Variants in FOXO1 observed in about 807,000 individuals in gnomAD.
The protein encoded by FOXO1 is forkhead box protein O1.
A neutral mutation model predicts 44.1 loss-of-function variants in FOXO1; 6 were observed. The observed-to-expected ratio is 0.14, with a 90% CI of 0.07 to 0.27. FOXO1 has a LOEUF of 0.27. FOXO1 is among the 10% of genes least tolerant of loss of function. The probability of loss-of-function intolerance (pLI) is 1.00; values close to 1 mark genes in which losing one functional copy is unlikely to be tolerated. For synonymous variants in FOXO1, 380 were observed against 362.7 expected (o/e 1.05, Z -0.54); for missense variants, 737 against 888.8 (o/e 0.83, Z 2.17).
intron 1 of FOXO1, 148 bp from the exon 2 acceptor site, chr13:40,561,008 C>G: frequency 2.8e-6 from 2 of 705,168 alleles, no homozygotes; most frequent in Admixed American, 6.2e-5. Context: ...GCTCTGAAGC[C>G]ACTACAAAAG....
chr13:40,632,446 T>C (rs1338404798), intron 1 of FOXO1, among the ~76,000 whole-genome samples: 1 of 152,090 alleles, frequency 6.6e-6, no homozygotes, highest in Non-Finnish European at 1.5e-5. Flanking sequence ...GAGACCAGCC[T>C]GGACAACATG....
In FOXO1 at chr13:40,586,537, T is replaced by G. The variant is rs575593222; in HGVS notation, c.631-25677A>C. ...TGCACAGAAGATATGACTCTTGCAG[T>G]CTGGAATAAAAGGCACCAAATGGGA... On this transcript the variant is annotated intron_variant, in intron 1 of 2. Coordinates refer to ENST00000379561, the MANE Select transcript of FOXO1 (RefSeq NM_002015.4). Among the ~76,000 whole-genome samples, 8 of 152,270 alleles carry G rather than the reference T, an allele frequency of 5.3e-5. No homozygotes were observed. In the South Asian group the frequency reaches 1.7e-3, roughly 32 times the overall value.
rs142273240 is a variant in FOXO1 at position 40,584,002 on chromosome 13, T to C, written c.631-23142A>G. 1.8e-3 allele frequency among the ~76,000 whole-genome samples: 280 copies of C among 152,258 alleles called. 2 individuals are homozygous for C. The highest frequency in any genetic ancestry group is 6.2e-3 in the African/African-American group (256 of 41,542). ...TGACTCTTCCTTTTATTTGAACATG[T>C]AGAAGCCATTGTGGGGGTTTTAATG... On this transcript the variant is annotated intron_variant, in intron 1 of 2. Coordinates refer to ENST00000379561, the MANE Select transcript of FOXO1 (RefSeq NM_002015.4).
At chr13:40,644,571 T>A (rs1381713669) in intron 1 of FOXO1, among the ~76,000 whole-genome samples, 3 of 152,198 alleles carry the variant, frequency 2.0e-5, no homozygotes, top group Non-Finnish European at 4.4e-5. Context: ...AGGTCACACA[T>A]ACAATGATGG....
chr13:40,560,067 T>C lies in FOXO1; in HGVS notation c.1424A>G (p.Asp475Gly). 1 of 1,614,058 alleles carries C rather than the reference T, an allele frequency of 6.2e-7. No homozygotes were observed. Among genetic ancestry groups the C allele is most frequent in the South Asian group, 1.1e-5 (1 of 91,082 alleles). Residue 475 changes from aspartate to glycine, a missense_variant, in exon 2 of 3, where the codon GAC becomes GGC. Around this residue, in one of 7 missense-constraint regions of FOXO1, gnomAD observed 283 missense variants for 278.1 expected, o/e 1.02. Coordinates refer to ENST00000379561, the MANE Select transcript of FOXO1 (RefSeq NM_002015.4). This position sits in a 1 kb window ranked among gnomAD's most constrained non-coding sequence, Gnocchi z 5.1. ...CCCAGGATCAACTGGTGTCATAATG[T>C]CATTATGGGGAGGAGAGTCAGAAGT... ...LLTSDSPPHNDIMTPVDPGVA... is the reference protein window; with the variant it reads ...LLTSDSPPHNGIMTPVDPGVA...
intron 1 of FOXO1, 133 bp downstream of exon 1, chr13:40,665,450 C>T (rs1878198299): frequency 3.9e-6 from 3 of 771,086 alleles, no homozygotes; most frequent in Admixed American, 8.7e-5. Flanking sequence ...CCGCGACCAC[C>T]GCTTCTCGCC....
intron 1 of FOXO1, among the ~76,000 whole-genome samples, chr13:40,561,127 C>T (rs998449123): frequency 2.0e-5 from 3 of 152,078 alleles, no homozygotes; most frequent in Admixed American, 6.5e-5. Flanking sequence ...CCCAGGCAAG[C>T]GGATCATGAG....
chr13:40,600,231 C>T (rs111526707), intron 1 of FOXO1, among the ~76,000 whole-genome samples: 1,721 of 152,226 alleles, frequency 0.011, 37 homozygotes, highest in African/African-American at 0.04. Context: ...CAAATTAGAC[C>T]AAAGCTCAGG....
intron 1 of FOXO1, among the ~76,000 whole-genome samples, chr13:40,612,704 G>C (rs1593399865): frequency 1.3e-5 from 2 of 152,170 alleles, no homozygotes; most frequent in Admixed American, 1.3e-4. Context: ...TATTTTGAGA[G>C]AGAGAGAAAC....
At chr13:40,646,306 T>G (rs986191109) in intron 1 of FOXO1, among the ~76,000 whole-genome samples, 14 of 151,368 alleles carry the variant, frequency 9.2e-5, no homozygotes, top group Non-Finnish European at 2.1e-4. Flanking sequence ...TTTTTTTTTT[T>G]TTTGAGATGG....
At chr13:40,625,593 T>C (rs1876760942) in intron 1 of FOXO1, among the ~76,000 whole-genome samples, 1 of 152,124 alleles carries the variant, frequency 6.6e-6, no homozygotes, top group African/African-American at 2.4e-5. Flanking sequence ...AAAGAGAGTC[T>C]AGGCTGCTCT....
chr13:40,582,965 T>C (rs999977494), intron 1 of FOXO1, among the ~76,000 whole-genome samples: 1 of 152,210 alleles, frequency 6.6e-6, no homozygotes, highest in Non-Finnish European at 1.5e-5. Flanking sequence ...GGAATCACTA[T>C]GGCAACTTGG....
At chr13:40,589,182 A>G (rs1593390405) in intron 1 of FOXO1, among the ~76,000 whole-genome samples, 1 of 152,240 alleles carries the variant, frequency 6.6e-6, no homozygotes, top group East Asian at 1.9e-4. Flanking sequence ...CAGACCATCA[A>G]GAAATGGCTG....
At chr13:40,603,353 CAAAAAAAAAA>C (rs60741629) in intron 1 of FOXO1, among the ~76,000 whole-genome samples, 12 of 73,976 alleles carry the variant, frequency 1.6e-4, no homozygotes, top group Admixed American at 8.8e-4. Context: ...CAGATGAATC[CAAAAAAAAAA>C]AAAAAAAAAA....
intron 1 of FOXO1, chr13:40,562,801 A>G (rs1044557972): frequency 1.3e-5 from 2 of 152,376 alleles, no homozygotes; most frequent in African/African-American, 2.4e-5. Context: ...CACCTCCTCT[A>G]CAACACAGAG....
chr13:40,565,447 G>C (rs1874229354), intron 1 of FOXO1, among the ~76,000 whole-genome samples: 1 of 152,126 alleles, frequency 6.6e-6, no homozygotes, highest in African/African-American at 2.4e-5. Flanking sequence ...CCCTCCAGAA[G>C]CATTTCTTGA....
intron 1 of FOXO1, chr13:40,619,096 C>T: frequency 2.5e-6 from 1 of 403,912 alleles, no homozygotes; most frequent in South Asian, 1.9e-5. Context: ...CCAGCCTGGC[C>T]AACATGGTGA....
chr13:40,656,857 G>GTC (rs1877875117), intron 1 of FOXO1, among the ~76,000 whole-genome samples: 1 of 149,598 alleles, frequency 6.7e-6, no homozygotes, highest in African/African-American at 2.5e-5. Flanking sequence ...TTGAGACCGA[G>GTC]TCTCTCTCTG....
chr13:40,576,532 C>T (rs879747661), intron 1 of FOXO1, among the ~76,000 whole-genome samples: 2 of 152,172 alleles, frequency 1.3e-5, no homozygotes, highest in African/African-American at 2.4e-5. Context: ...TCTCCAGGAG[C>T]TGCTGTCCTT....
Sources: allele counts gnomAD v4.1 joint callset (sites outside exome capture counted in the v4.1 genomes callset), GRCh38; gene constraint gnomAD v4.1.1; regional missense constraint gnomAD v4.1.1; non-coding constraint Gnocchi (gnomAD v3.1); transcripts MANE v1.5; gene names NCBI Gene and HGNC (gene_info 2026-07-23, HGNC 2026-07-21).